Variants in SESN2 observed in about 807,000 individuals in gnomAD.
SESN2 encodes sestrin 2.
In SESN2, 42 loss-of-function variants were observed where a neutral mutation model predicts 56.0. That is an observed-to-expected ratio of 0.75 (90% confidence interval 0.59 to 0.97). The LOEUF is 0.97. SESN2 is among the 50% of genes least tolerant of loss of function. The pLI, the probability that SESN2 is intolerant of heterozygous loss-of-function variation, is 0.00. For synonymous variants in SESN2, 264 were observed against 267.1 expected (o/e 0.99, Z 0.11); for missense variants, 507 against 649.4 (o/e 0.78, Z 2.38).
In SESN2 at chr1:28,281,157, C is replaced by T. The variant is rs890993831; in HGVS notation, c.*355C>T. The T allele has an allele frequency of 1.5e-5, 3 of 197,380 alleles. No homozygotes were observed. The highest frequency in any genetic ancestry group is 5.8e-5 in the Admixed American group (1 of 17,096). The allele number at this position is 197,380 out of a possible 1,614,324, so 12.2% of individuals were successfully genotyped here. Reference sequence around the variant, plus strand: ...TGTGGCCTTCCTGAACTGGGAAGTCCCTGGCTGGCCCCCGGGGGAGAGGGG... The same window carrying T: ...TGTGGCCTTCCTGAACTGGGAAGTCTCTGGCTGGCCCCCGGGGGAGAGGGG... On this transcript the variant is annotated 3_prime_UTR_variant, in exon 10 of 10. Transcript: ENST00000253063.
Position 28,269,166 on chromosome 1 carries a change from CAT to C in SESN2, c.91-14_91-13del. On this transcript the variant is annotated splice_polypyrimidine_tract_variant and intron_variant, in intron 1 of 9. Coordinates refer to ENST00000253063, the MANE Select transcript of SESN2 (RefSeq NM_031459.5). ...TCTCCCTTCTACTACGGACTAACCTCATATGTTTCCTCCCAGGAGCAGAGGGA... is the reference window on the plus strand; with the variant it reads ...TCTCCCTTCTACTACGGACTAACCTCATGTTTCCTCCCAGGAGCAGAGGGA... The C allele has an allele frequency of 6.2e-7, 1 of 1,604,146 alleles. No homozygotes were observed. The highest frequency in any genetic ancestry group is 1.1e-5 in the South Asian group (1 of 90,516).
At chr1:28,272,223 C>G in intron 3 of SESN2, 61 bp from the exon 4 acceptor site, 1 of 1,564,734 alleles carries the variant, frequency 6.4e-7, no homozygotes, top group Non-Finnish European at 8.8e-7. Context: ...GATGGGGTAC[C>G]CACCCTGAGC....
intron 5 of SESN2, 59 bp from the exon 6 acceptor site, chr1:28,273,299 G>C: frequency 6.8e-7 from 1 of 1,473,770 alleles, no homozygotes; most frequent in South Asian, 1.4e-5. Flanking sequence ...AGGATGAGTG[G>C]AGCTTCCCAG....
chr1:28,265,726 T>C (rs1451459112), intron 1 of SESN2, among the ~76,000 whole-genome samples: 1 of 152,112 alleles, frequency 6.6e-6, no homozygotes, highest in East Asian at 1.9e-4. Context: ...TGTCCTGCTG[T>C]GTTGTCCAGA....
chr1:28,276,830 C>G (rs1034196821), intron 8 of SESN2, among the ~76,000 whole-genome samples: 4 of 150,624 alleles, frequency 2.7e-5, no homozygotes, highest in African/African-American at 4.9e-5. Flanking sequence ...CTGCCCGCCT[C>G]AGCCTCCCAA....
chr1:28,259,955 G>A lies in SESN2; in HGVS notation c.90+18G>A. 1 of 1,491,738 alleles carries A rather than the reference G, an allele frequency of 6.7e-7. No homozygotes were observed. The highest frequency in any genetic ancestry group is 2.1e-5 in the Admixed American group (1 of 46,796). The allele number at this position is 1,491,738 out of a possible 1,614,324, so 92.4% of individuals were successfully genotyped here. ...CCGGAGAGGTAAGCGGCGGCCGCGC[G>A]ACGCCCCTCTTCCCTGGAACCCCGA... On this transcript the variant is annotated intron_variant, in intron 1 of 9. Transcript: ENST00000253063.
chr1:28,280,293 G>C (rs1648188761), intron 9 of SESN2, among the ~76,000 whole-genome samples: 1 of 152,138 alleles, frequency 6.6e-6, no homozygotes, highest in African/African-American at 2.4e-5. Context: ...TGCAACCTCT[G>C]TCTCCCGGGT....
Position 28,280,928 on chromosome 1 carries a change from C to G in SESN2, c.*126C>G. ...CTGCAGTGGGCTTGTGTGTGATGTG[C>G]AGTCCCGAAGCCACACCCTCCCTTT... On this transcript the variant is annotated 3_prime_UTR_variant, in exon 10 of 10. Transcript: ENST00000253063. 1 of 704,968 alleles carries G rather than the reference C, an allele frequency of 1.4e-6. No homozygotes were observed. The highest frequency in any genetic ancestry group is 2.5e-6 in the Non-Finnish European group (1 of 400,854). The allele number at this position is 704,968 out of a possible 1,614,324, so 43.7% of individuals were successfully genotyped here. A position where few individuals can be genotyped will look rare whatever the true frequency, so the allele number is the denominator to read the frequency against.
intron 1 of SESN2, among the ~76,000 whole-genome samples, chr1:28,264,366 C>G (rs953483908): frequency 2.0e-5 from 3 of 152,068 alleles, no homozygotes; most frequent in Non-Finnish European, 4.4e-5. Flanking sequence ...AGGCACAGGT[C>G]TGGGGCCATT....
At chr1:28,276,479 A>G (rs1648043825) in intron 8 of SESN2, among the ~76,000 whole-genome samples, 1 of 152,040 alleles carries the variant, frequency 6.6e-6, no homozygotes, top group South Asian at 2.1e-4. Flanking sequence ...ACCCTTCACT[A>G]AAAAAATACA....
Position 28,281,063 on chromosome 1 carries a change from C to A in SESN2, c.*261C>A, listed in dbSNP as rs901239945. ...AAGGGACCACACCCTTCCTCCTTCC[C>A]CTGCCCACAGAGGCAGAGGGCACAG... On this transcript the variant is annotated 3_prime_UTR_variant, in exon 10 of 10. Coordinates refer to ENST00000253063, the MANE Select transcript of SESN2 (RefSeq NM_031459.5). The A allele has an allele frequency of 7.4e-6, 3 of 407,926 alleles. No homozygotes were observed. The highest frequency in any genetic ancestry group is 8.8e-6 in the Non-Finnish European group (2 of 226,320). The allele number at this position is 407,926 out of a possible 1,614,324, so 25.3% of individuals were successfully genotyped here.
chr1:28,260,514 CTCT>C (rs1647337516), intron 1 of SESN2, among the ~76,000 whole-genome samples: 1 of 152,180 alleles, frequency 6.6e-6, no homozygotes, highest in Non-Finnish European at 1.5e-5. Context: ...AGCGCAGGGG[CTCT>C]GGGGGCTTGG....
chr1:28,264,335 A>G (rs1037974100), intron 1 of SESN2, among the ~76,000 whole-genome samples: 1 of 152,070 alleles, frequency 6.6e-6, no homozygotes, highest in East Asian at 1.9e-4. Flanking sequence ...AAAAAGAAAA[A>G]AAAAGAAAAA....
At chr1:28,278,967 G>A in intron 8 of SESN2, 130 bp from the exon 9 acceptor site, 3 of 857,348 alleles carry the variant, frequency 3.5e-6, no homozygotes, top group South Asian at 1.6e-5. Context: ...AGAGGAACTA[G>A]GCTTCTTGTT....
intron 1 of SESN2, among the ~76,000 whole-genome samples, chr1:28,268,711 GGAA>G (rs1032265675): frequency 2.0e-5 from 3 of 151,024 alleles, no homozygotes; most frequent in Non-Finnish European, 4.4e-5. Context: ...AAGGAAGGAA[GGAA>G]GAAGGAGGAG....
chr1:28,271,900 G>GA (rs1647792475), intron 3 of SESN2, 29 bp downstream of exon 3: 2 of 1,609,454 alleles, frequency 1.2e-6, no homozygotes, highest in East Asian at 4.5e-5. Context: ...GACACTTGGA[G>GA]AGGTGGCTTT....
rs1345369605 is a variant in SESN2, at chr1:28,271,839, G to A, written c.322G>A (p.Ala108Thr). 2 of 1,614,048 alleles carry A rather than the reference G, an allele frequency of 1.2e-6. No individual in the cohort carries two copies. The highest frequency in any genetic ancestry group is 2.2e-5 in the South Asian group (2 of 91,086). ...YLLLHTDGPLASSWRHYIAIM... is the reference protein window; with the variant it reads ...YLLLHTDGPLTSSWRHYIAIM... ...GCTGCTGCACACGGATGGTCCCTTG[G>A]CCAGCTCCTGGCGCCACTACATTGC... is the stretch of plus-strand genomic sequence containing the variant. The change falls in exon 3 of 10, where the codon GCC (alanine) becomes ACC (threonine). Residue 108 changes from alanine to threonine, a missense_variant. Physicochemically the swap from Ala to Thr is moderately conservative, Grantham distance 58. Coordinates refer to ENST00000253063, the MANE Select transcript of SESN2 (RefSeq NM_031459.5).
chr1:28,265,359 C>T (rs544098052), intron 1 of SESN2, among the ~76,000 whole-genome samples: 87 of 152,260 alleles, frequency 5.7e-4, no homozygotes, highest in African/African-American at 2.0e-3. Context: ...CGCGTTCCCT[C>T]TGGCTGGAAT....
At chr1:28,272,152 G>A (rs1243707930) in intron 3 of SESN2, 132 bp from the exon 4 acceptor site, 3 of 971,672 alleles carry the variant, frequency 3.1e-6, no homozygotes, top group African/African-American at 1.6e-5. Flanking sequence ...CAGAGCTGGG[G>A]TTACTTAGAA....
Sources: gnomAD v4.1 joint callset for allele counts (sites outside exome capture counted in the v4.1 genomes callset) on GRCh38, gnomAD v4.1.1 for gene constraint, MANE v1.5 for transcripts, NCBI Gene and HGNC (gene_info 2026-07-23, HGNC 2026-07-21) for gene names.